KIAA1328: variants seen among roughly 807,000 people sequenced by gnomAD.
KIAA1328 encodes the protein protein hinderin.
KIAA1328 carries 52 observed loss-of-function variants against 68.1 expected under a neutral mutation model. The observed-to-expected ratio is 0.76, with a 90% CI of 0.61 to 0.96. The LOEUF is 0.96. KIAA1328 is among the 40% of genes least tolerant of loss of function. KIAA1328 has a pLI of 0.00. For missense variants in KIAA1328, 641 were observed against 677.6 expected, an observed-to-expected ratio of 0.95 and a Z score of 0.60; for synonymous variants, 232 against 239.4, an observed-to-expected ratio of 0.97 and a Z score of 0.28.
At chr18:36,863,527 G>C (rs2047639622) in intron 4 of KIAA1328, among the ~76,000 whole-genome samples, 1 of 151,860 alleles carries the variant, frequency 6.6e-6, no homozygotes, top group Non-Finnish European at 1.5e-5. Flanking sequence ...AATAATTTTG[G>C]AATAAGCTTG....
chr18:36,916,518 T>C (rs2049706261), intron 5 of KIAA1328, among the ~76,000 whole-genome samples: 1 of 152,174 alleles, frequency 6.6e-6, no homozygotes, highest in Non-Finnish European at 1.5e-5. Flanking sequence ...TTTTAATCTC[T>C]TTTAGATAAC....
chr18:36,842,201 G>T (rs963403620), intron 3 of KIAA1328, among the ~76,000 whole-genome samples: 1 of 151,882 alleles, frequency 6.6e-6, no homozygotes, highest in Non-Finnish European at 1.5e-5. Context: ...AAGCTTAGAG[G>T]AGGGGCCCCT....
At chr18:36,952,885 A>G (rs1313058090) in intron 5 of KIAA1328, among the ~76,000 whole-genome samples, 2 of 152,060 alleles carry the variant, frequency 1.3e-5, no homozygotes, top group Non-Finnish European at 1.5e-5. Context: ...GGCTGACCTG[A>G]TGCTCAAGTT....
chr18:37,157,662 T>C (rs895628825), intron 7 of KIAA1328, among the ~76,000 whole-genome samples: 2 of 151,700 alleles, frequency 1.3e-5, no homozygotes, highest in Non-Finnish European at 2.9e-5. Flanking sequence ...ATACAAAAAT[T>C]AGCCGGACAT....
intron 2 of KIAA1328, among the ~76,000 whole-genome samples, chr18:36,834,768 T>C (rs1161351532): frequency 6.6e-6 from 1 of 152,234 alleles, no homozygotes; most frequent in Non-Finnish European, 1.5e-5. Flanking sequence ...ACCCTCATTA[T>C]ATAGGGTGAA....
At chr18:37,115,123 C>T (rs2058065171) in intron 7 of KIAA1328, among the ~76,000 whole-genome samples, 1 of 152,056 alleles carries the variant, frequency 6.6e-6, no homozygotes, top group Non-Finnish European at 1.5e-5. Flanking sequence ...GAAACTATTC[C>T]AATTAATAGA....
At chr18:36,966,041 GCAAA>G (rs1461846541) in intron 6 of KIAA1328, among the ~76,000 whole-genome samples, 1 of 151,976 alleles carries the variant, frequency 6.6e-6, no homozygotes, top group East Asian at 1.9e-4. Context: ...GTAAACAAAA[GCAAA>G]CAAACAAAGA....
intron 8 of KIAA1328, among the ~76,000 whole-genome samples, chr18:37,171,711 G>A (rs967323555): frequency 6.6e-6 from 1 of 151,986 alleles, no homozygotes; most frequent in Non-Finnish European, 1.5e-5. Flanking sequence ...TTACATCTAC[G>A]CATAATAGAT....
At chr18:37,022,680 T>A (rs1052427140) in intron 6 of KIAA1328, among the ~76,000 whole-genome samples, 27 of 152,336 alleles carry the variant, frequency 1.8e-4, no homozygotes, top group African/African-American at 6.5e-4. Context: ...GTTTAAGGAA[T>A]CTAGAGACCT....
At chr18:36,958,092 A>G (rs1487810230) in intron 5 of KIAA1328, among the ~76,000 whole-genome samples, 1 of 152,152 alleles carries the variant, frequency 6.6e-6, no homozygotes, top group East Asian at 1.9e-4. Flanking sequence ...TTTACTTAGC[A>G]TAATATTTTC....
At chr18:37,064,335 G>T (rs2056265021) in intron 6 of KIAA1328, among the ~76,000 whole-genome samples, 1 of 152,052 alleles carries the variant, frequency 6.6e-6, no homozygotes, top group Non-Finnish European at 1.5e-5. Context: ...TGATGTTGCT[G>T]TGTATCTCTG....
downstream of KIAA1328, among the ~76,000 whole-genome samples, chr18:37,226,680 T>C (rs1012708024): frequency 2.0e-5 from 3 of 151,926 alleles, no homozygotes; most frequent in African/African-American, 7.2e-5. Flanking sequence ...TTTTTGTTTA[T>C]CCATTCATCA....
chr18:37,097,601 T>C (rs1356669476), intron 7 of KIAA1328, among the ~76,000 whole-genome samples: 1 of 152,252 alleles, frequency 6.6e-6, no homozygotes, highest in Admixed American at 6.5e-5. Context: ...TTTTTTCCAA[T>C]TCTGTGAAGA....
intron 6 of KIAA1328, among the ~76,000 whole-genome samples, chr18:37,047,048 C>T (rs577621878): frequency 6.6e-6 from 1 of 152,178 alleles, no homozygotes; most frequent in Non-Finnish European, 1.5e-5. Context: ...AGGAGAAACA[C>T]TTGAACCGAA....
chr18:36,953,780 A>G (rs1296747279), intron 5 of KIAA1328, among the ~76,000 whole-genome samples: 1 of 151,990 alleles, frequency 6.6e-6, no homozygotes, highest in African/African-American at 2.4e-5. Context: ...TCCATATTCT[A>G]ATTTTTCTAG....
chr18:37,027,032 A>T (rs1488076121), intron 6 of KIAA1328, among the ~76,000 whole-genome samples: 1 of 152,210 alleles, frequency 6.6e-6, no homozygotes, highest in Non-Finnish European at 1.5e-5. Context: ...AAGTCTCTGG[A>T]TACAAAATCA....
chr18:37,148,910 A>G (rs938630863), intron 7 of KIAA1328, among the ~76,000 whole-genome samples: 1 of 152,174 alleles, frequency 6.6e-6, no homozygotes, highest in East Asian at 1.9e-4. Flanking sequence ...TTACCCCACT[A>G]TGTAGGTTGC....
chr18:37,020,752 C>T (rs1328848749), intron 6 of KIAA1328, among the ~76,000 whole-genome samples: 1 of 152,154 alleles, frequency 6.6e-6, no homozygotes, highest in Non-Finnish European at 1.5e-5. Context: ...CTGATGGCAT[C>T]CTTTCAGATA....
intron 3 of KIAA1328, 125 bp downstream of exon 3, chr18:36,835,501 G>A (rs2046644617): frequency 1.1e-6 from 1 of 942,530 alleles, no homozygotes; most frequent in Admixed American, 2.7e-5. Context: ...AGATACAGAG[G>A]ATTCCAGGAT....
Sources: allele counts gnomAD v4.1 joint callset (sites outside exome capture counted in the v4.1 genomes callset), GRCh38; gene constraint gnomAD v4.1.1; transcripts MANE v1.5; gene names NCBI Gene and HGNC (gene_info 2026-07-23, HGNC 2026-07-21).